The following KCNMB2 variants were observed in gnomAD, a reference collection of about 807,000 sequenced individuals.
KCNMB2 encodes calcium-activated potassium channel subunit beta-2.
A neutral mutation model predicts 24.5 loss-of-function variants in KCNMB2; 9 were observed. The ratio of observed to expected loss-of-function variants is 0.37; its 90% CI spans 0.22 to 0.64. The LOEUF is 0.64. Ranked by LOEUF, KCNMB2 falls within the 30% of genes least tolerant of loss-of-function variation. The probability of loss-of-function intolerance (pLI) is 0.63; values close to 1 mark genes in which losing one functional copy is unlikely to be tolerated. For missense variants in KCNMB2, 226 were observed against 284.3 expected (o/e 0.79, Z 1.47); for synonymous variants, 109 against 104.4 (o/e 1.04, Z -0.27).
chr3:178,773,793 A>C (rs1003793232), intron 1 of KCNMB2, among the ~76,000 whole-genome samples: 1 of 152,190 alleles, frequency 6.6e-6, no homozygotes, highest in African/African-American at 2.4e-5. Flanking sequence ...AAGCCATTAC[A>C]TCTTCATTTC....
chr3:178,708,042 AATT>A (rs1306718893), intron 1 of KCNMB2, among the ~76,000 whole-genome samples: 1 of 152,164 alleles, frequency 6.6e-6, no homozygotes, highest in African/African-American at 2.4e-5. Context: ...CTGATTCATG[AATT>A]GCTATCTGCT....
intron 1 of KCNMB2, among the ~76,000 whole-genome samples, chr3:178,606,712 T>C (rs898922144): frequency 4.5e-4 from 68 of 152,176 alleles, no homozygotes; most frequent in Non-Finnish European, 2.6e-4. Context: ...GATTGAATGT[T>C]TGCATCCCCC....
chr3:178,790,677 T>A (rs575715025), intron 1 of KCNMB2, among the ~76,000 whole-genome samples: 1 of 152,308 alleles, frequency 6.6e-6, no homozygotes, highest in South Asian at 2.1e-4. Flanking sequence ...TGGCTTTGGA[T>A]CCAGTCCAGT....
intron 1 of KCNMB2, among the ~76,000 whole-genome samples, chr3:178,595,059 C>CAAAAAAAAAAAAAAAAAAAAAAAAAAA: frequency 8.1e-6 from 1 of 123,746 alleles, no homozygotes; most frequent in South Asian, 2.8e-4. Context: ...ACAGTATTTG[C>CAAAAAAAAAAAAAAAAAAAAAAAAAAA]AAAAAAAAAA....
At chr3:178,638,289 A>C (rs1461495604) in intron 1 of KCNMB2, among the ~76,000 whole-genome samples, 2 of 152,164 alleles carry the variant, frequency 1.3e-5, no homozygotes, top group East Asian at 3.9e-4. Context: ...AGATCCCCAC[A>C]ACCTCATTTC....
chr3:178,822,234 T>C (rs967582471), intron 2 of KCNMB2, among the ~76,000 whole-genome samples: 5 of 152,244 alleles, frequency 3.3e-5, no homozygotes, highest in African/African-American at 9.6e-5. Context: ...TGTGAGTCTT[T>C]CTGTCTAAAA....
intron 1 of KCNMB2, among the ~76,000 whole-genome samples, chr3:178,542,017 C>T (rs893270605): frequency 7.9e-5 from 12 of 152,140 alleles, no homozygotes; most frequent in Admixed American, 3.3e-4. Flanking sequence ...CCTGTGCAGT[C>T]TAACCCCACC....
At chr3:178,748,979 C>T (rs1316355678) in intron 1 of KCNMB2, 4 of 152,154 alleles carry the variant, frequency 2.6e-5, no homozygotes, top group East Asian at 1.9e-4. Flanking sequence ...AAATCAATGG[C>T]TTGTAATCTC....
At chr3:178,698,000 G>A (rs1487658515) in intron 1 of KCNMB2, among the ~76,000 whole-genome samples, 2 of 152,108 alleles carry the variant, frequency 1.3e-5, no homozygotes, top group Non-Finnish European at 2.9e-5. Context: ...CCCTTCGTAG[G>A]TGACCAGAAC....
chr3:178,630,013 T>A (rs1719258740), intron 1 of KCNMB2, among the ~76,000 whole-genome samples: 1 of 152,226 alleles, frequency 6.6e-6, no homozygotes, highest in Non-Finnish European at 1.5e-5. Flanking sequence ...GTTACAGTCA[T>A]GCCCAATGAC....
At chr3:178,630,361 A>G (rs1405715769) in intron 1 of KCNMB2, among the ~76,000 whole-genome samples, 4 of 152,254 alleles carry the variant, frequency 2.6e-5, no homozygotes, top group Non-Finnish European at 5.9e-5. Flanking sequence ...TAAGTGTTCC[A>G]GCATCTCCTC....
chr3:178,546,918 G>A (rs550477676), intron 1 of KCNMB2, among the ~76,000 whole-genome samples: 106 of 152,330 alleles, frequency 7.0e-4, no homozygotes, highest in African/African-American at 2.5e-3. Context: ...CCTAGCCCAG[G>A]CAGCTGTGAG....
chr3:178,677,830 T>A (rs1270078320), intron 1 of KCNMB2, among the ~76,000 whole-genome samples: 1 of 152,184 alleles, frequency 6.6e-6, no homozygotes, highest in Non-Finnish European at 1.5e-5. Context: ...TGGTCAAGTA[T>A]GCATATTCAA....
rs10677144 is a variant in KCNMB2 at position 178,586,538 on chromosome 3, C to CTTTTTTTTTTTT, written c.-68+49841_-68+49852dup. Among the ~76,000 whole-genome samples, 10 of 68,500 alleles carry CTTTTTTTTTTTT rather than the reference C, an allele frequency of 1.5e-4. 1 individual carries two copies. Among genetic ancestry groups the CTTTTTTTTTTTT allele is most frequent in the South Asian group, 6.6e-4 (1 of 1,522 alleles). 44.9% of individuals were successfully genotyped at this position (68,500 alleles called of 152,430 possible). ...ATTTTCTTTTCTTTTTTTTTTCTTTCTTTTTTTTTTTTTTTTTTTTTTTTT... is the reference window on the plus strand; with the variant it reads ...ATTTTCTTTTCTTTTTTTTTTCTTTCTTTTTTTTTTTTTTTTTTTTTTTTTTTTTTTTTTTTT... On this transcript the variant is annotated intron_variant, in intron 1 of 4. Transcript: ENST00000452583.
chr3:178,666,019 T>C (rs1482771647), intron 1 of KCNMB2, among the ~76,000 whole-genome samples: 1 of 152,124 alleles, frequency 6.6e-6, no homozygotes, highest in Admixed American at 6.6e-5. Context: ...TGAGGCAACT[T>C]TGGAGGCCTC....
chr3:178,691,809 G>T (rs542699618), intron 1 of KCNMB2, among the ~76,000 whole-genome samples: 1 of 152,068 alleles, frequency 6.6e-6, no homozygotes, highest in East Asian at 1.9e-4. Flanking sequence ...CTGTCTTTAG[G>T]TATTTGAGGA....
rs372424381 is a variant in KCNMB2 at position 178,697,733 on chromosome 3, C to T, written c.-67-109610C>T. On this transcript the variant is annotated intron_variant, in intron 1 of 4. Coordinates refer to ENST00000452583, the MANE Select transcript of KCNMB2 (RefSeq NM_181361.3). ...GTCCTTCAGTGTGTTTTCGTAGTGGCTGGTAATGGTCTTTCCTTTCCATGT... is the reference window on the plus strand; with the variant it reads ...GTCCTTCAGTGTGTTTTCGTAGTGGTTGGTAATGGTCTTTCCTTTCCATGT... 2.7e-4 allele frequency among the ~76,000 whole-genome samples: 41 copies of T among 152,276 alleles called. 2 individuals are homozygous for T. The East Asian group carries it at 4.2e-3, about 16-fold the overall frequency.
At chr3:178,633,356 C>T (rs1170332087) in intron 1 of KCNMB2, among the ~76,000 whole-genome samples, 1 of 152,236 alleles carries the variant, frequency 6.6e-6, no homozygotes, top group African/African-American at 2.4e-5. Context: ...CAGCAAACTT[C>T]TGACTGGACA....
chr3:178,743,961 A>G (rs1723578275), intron 1 of KCNMB2, among the ~76,000 whole-genome samples: 1 of 152,230 alleles, frequency 6.6e-6, no homozygotes, highest in Non-Finnish European at 1.5e-5. Flanking sequence ...GATTTGTGAA[A>G]TATCATTAGC....
Sources: gnomAD v4.1 joint callset for allele counts (sites outside exome capture counted in the v4.1 genomes callset) on GRCh38, gnomAD v4.1.1 for gene constraint, MANE v1.5 for transcripts, NCBI Gene and HGNC (gene_info 2026-07-23, HGNC 2026-07-21) for gene names.